EYS: variants seen among roughly 807,000 people sequenced by gnomAD.
EYS encodes the protein EGF-like photoreceptor maintenance factor.
EYS carries 250 observed loss-of-function variants against 282.1 expected under a neutral mutation model. The ratio of observed to expected loss-of-function variants is 0.89; its 90% confidence interval spans 0.80 to 0.98. The LOEUF is 0.98. EYS is among the 50% of genes least tolerant of loss of function. EYS has a pLI of 0.00. For synonymous variants in EYS, 1,355 were observed against 1,282.9 expected (o/e 1.06, Z -1.20); for missense variants, 4,016 against 3,709.0 (o/e 1.08, Z -2.15).
intron 12 of EYS, among the ~76,000 whole-genome samples, chr6:65,268,577 A>C (rs929853866): frequency 2.6e-5 from 4 of 152,090 alleles, no homozygotes; most frequent in Non-Finnish European, 5.9e-5. Context: ...AGAATAATAG[A>C]AATGGTTATG....
intron 30 of EYS, among the ~76,000 whole-genome samples, chr6:64,272,425 C>G (rs1767974140): frequency 6.6e-6 from 1 of 152,150 alleles, no homozygotes; most frequent in South Asian, 2.1e-4. Flanking sequence ...TTTTTCCTTT[C>G]CAAATTTAGT....
intron 34 of EYS, among the ~76,000 whole-genome samples, chr6:63,993,188 A>G (rs902109789): frequency 1.3e-5 from 2 of 151,846 alleles, no homozygotes; most frequent in African/African-American, 2.4e-5. Context: ...AATTAATTCA[A>G]CAGAATACAT....
chr6:65,231,145 T>TTATATATATACTTA, intron 12 of EYS, among the ~76,000 whole-genome samples: 1 of 35,358 alleles, frequency 2.8e-5, no homozygotes, highest in South Asian at 1.4e-3. Flanking sequence ...ATATATACTT[T>TTATATATATACTTA]TATATATATA....
At chr6:63,897,336 T>C (rs962988788) in intron 35 of EYS, among the ~76,000 whole-genome samples, 1 of 152,208 alleles carries the variant, frequency 6.6e-6, no homozygotes, top group Non-Finnish European at 1.5e-5. Flanking sequence ...GTGATTAAGT[T>C]AAAAATCTTG....
chr6:64,144,612 T>A (rs1774449266), intron 31 of EYS, among the ~76,000 whole-genome samples: 1 of 152,138 alleles, frequency 6.6e-6, no homozygotes, highest in Non-Finnish European at 1.5e-5. Flanking sequence ...TGCTACCCCG[T>A]CAGCTCTGAA....
intron 12 of EYS, among the ~76,000 whole-genome samples, chr6:65,244,001 T>C (rs1477001747): frequency 6.6e-6 from 1 of 152,238 alleles, no homozygotes; most frequent in African/African-American, 2.4e-5. Flanking sequence ...GTTCACTCTT[T>C]ATCATTGTCA....
At chr6:65,235,414 G>A (rs111361931) in intron 12 of EYS, among the ~76,000 whole-genome samples, 2 of 141,422 alleles carry the variant, frequency 1.4e-5, no homozygotes, top group African/African-American at 2.8e-5. Flanking sequence ...AACTGCATAA[G>A]ACACAATAAG....
At chr6:64,021,346 C>T (rs1259785770) in intron 33 of EYS, among the ~76,000 whole-genome samples, 1 of 151,654 alleles carries the variant, frequency 6.6e-6, no homozygotes, top group East Asian at 1.9e-4. Flanking sequence ...TCCTGGGGTA[C>T]ATTTGACAAT....
intron 22 of EYS, among the ~76,000 whole-genome samples, chr6:64,769,552 C>T (rs1260102077): frequency 6.6e-6 from 1 of 151,970 alleles, no homozygotes; most frequent in African/African-American, 2.4e-5. Flanking sequence ...CTACATAGTT[C>T]CCACCTGTGT....
chr6:63,947,749 A>C (rs965327867), intron 35 of EYS, among the ~76,000 whole-genome samples: 1 of 152,172 alleles, frequency 6.6e-6, no homozygotes, highest in Non-Finnish European at 1.5e-5. Flanking sequence ...AGCAATTAGA[A>C]AAAAAATGCC....
intron 1 of EYS, among the ~76,000 whole-genome samples, chr6:65,683,937 C>A (rs1430416157): frequency 6.6e-6 from 1 of 151,946 alleles, no homozygotes; most frequent in Non-Finnish European, 1.5e-5. Context: ...ATTTTCTTTG[C>A]AATAATGCTA....
intron 22 of EYS, among the ~76,000 whole-genome samples, chr6:64,809,577 T>C (rs1293676077): frequency 6.6e-6 from 1 of 152,002 alleles, no homozygotes; most frequent in Admixed American, 6.6e-5. Flanking sequence ...TACATGCCCA[T>C]CAACAGCAGA....
At chr6:65,695,309 T>G (rs1769407543) in intron 1 of EYS, among the ~76,000 whole-genome samples, 1 of 152,118 alleles carries the variant, frequency 6.6e-6, no homozygotes, top group East Asian at 1.9e-4. Context: ...GGCAAGATTA[T>G]GACAAATAAT....
intron 26 of EYS, among the ~76,000 whole-genome samples, chr6:64,486,028 A>T (rs1776572051): frequency 6.6e-6 from 1 of 151,510 alleles, no homozygotes; most frequent in Non-Finnish European, 1.5e-5. Context: ...CTATTTAAAA[A>T]GTATTGTTTT....
At chr6:65,664,658 C>A (rs1305104481) in intron 1 of EYS, among the ~76,000 whole-genome samples, 2 of 152,006 alleles carry the variant, frequency 1.3e-5, no homozygotes, top group African/African-American at 4.8e-5. Context: ...GAAATTTCTC[C>A]ACTTATAAAT....
At chr6:63,901,666 T>G (rs949767098) in intron 35 of EYS, among the ~76,000 whole-genome samples, 21 of 152,304 alleles carry the variant, frequency 1.4e-4, no homozygotes, top group African/African-American at 5.1e-4. Flanking sequence ...ATATTACTAA[T>G]AGCTAACTTC....
intron 11 of EYS, among the ~76,000 whole-genome samples, chr6:65,317,062 C>G (rs1323441527): frequency 6.6e-6 from 1 of 151,964 alleles, no homozygotes; most frequent in African/African-American, 2.4e-5. Context: ...TATGATTTCT[C>G]TTTATGTTTG....
intron 12 of EYS, among the ~76,000 whole-genome samples, chr6:65,185,234 A>G (rs1201814289): frequency 6.6e-6 from 1 of 151,812 alleles, no homozygotes; most frequent in Non-Finnish European, 1.5e-5. Context: ...AAGACTAGAG[A>G]GTAGAGTACA....
chr6:64,823,181 A>G (rs896950262), intron 19 of EYS, among the ~76,000 whole-genome samples: 8 of 151,890 alleles, frequency 5.3e-5, no homozygotes, highest in Admixed American at 4.6e-4. Context: ...AACGTTTATT[A>G]CCTACAAGAA....
Sources: gnomAD v4.1 joint callset for allele counts (sites outside exome capture counted in the v4.1 genomes callset) on GRCh38, gnomAD v4.1.1 for gene constraint, MANE v1.5 for transcripts, NCBI Gene and HGNC (gene_info 2026-07-23, HGNC 2026-07-21) for gene names.